WWOX: variants seen among roughly 807,000 people sequenced by gnomAD.
The protein encoded by WWOX is WW domain-containing oxidoreductase.
WWOX carries 69 observed loss-of-function variants against 46.2 expected under a neutral mutation model. That is an observed-to-expected ratio of 1.49 (90% CI 1.23 to 1.82). The LOEUF (loss-of-function observed/expected upper bound fraction) is 1.82. Among genes scored for constraint, WWOX ranks in the 40% most tolerant of loss-of-function variants. The pLI is 0.00. For synonymous variants in WWOX, 359 were observed against 202.6 expected (o/e 1.77, Z -6.56); for missense variants, 919 against 542.6 (o/e 1.69, Z -6.89).
intron 8 of WWOX, among the ~76,000 whole-genome samples, chr16:79,098,282 T>G (rs909976509): frequency 2.6e-5 from 4 of 152,156 alleles, no homozygotes; most frequent in Admixed American, 1.3e-4. Flanking sequence ...TTTTATTTAG[T>G]AGAGGAGGAA....
intron 8 of WWOX, among the ~76,000 whole-genome samples, chr16:79,075,887 T>C (rs1390591493): frequency 6.6e-6 from 1 of 152,232 alleles, no homozygotes; most frequent in Non-Finnish European, 1.5e-5. Flanking sequence ...AATTATGTTT[T>C]TTCCTGTTGC....
At chr16:78,529,991 G>A (rs953379055) in intron 8 of WWOX, among the ~76,000 whole-genome samples, 8 of 152,102 alleles carry the variant, frequency 5.3e-5, no homozygotes, top group Admixed American at 2.6e-4. Context: ...AGTGGAGTGC[G>A]GATGCTGGAA....
intron 8 of WWOX, among the ~76,000 whole-genome samples, chr16:78,756,371 C>T (rs768251415): frequency 3.9e-5 from 6 of 151,956 alleles, no homozygotes; most frequent in Non-Finnish European, 8.8e-5. Flanking sequence ...AGGGTGAAGG[C>T]GGTTGAGATA....
chr16:78,654,657 C>T (rs72794718), intron 8 of WWOX, among the ~76,000 whole-genome samples: 1 of 151,986 alleles, frequency 6.6e-6, no homozygotes, highest in Middle Eastern at 3.4e-3. Flanking sequence ...CTCTCTCTCT[C>T]TGTGTGTATG....
At chr16:78,197,941 C>T (rs924800301) in intron 5 of WWOX, among the ~76,000 whole-genome samples, 1 of 151,958 alleles carries the variant, frequency 6.6e-6, no homozygotes, top group African/African-American at 2.4e-5. Context: ...GGTAGTTTTT[C>T]TTTTATTTTT....
intron 8 of WWOX, among the ~76,000 whole-genome samples, chr16:78,521,547 G>C (rs772027915): frequency 1.3e-5 from 2 of 152,156 alleles, no homozygotes; most frequent in Non-Finnish European, 2.9e-5. Context: ...TCGTTAAATA[G>C]AGTTCTACTT....
chr16:78,319,835 C>A (rs2080429412), intron 5 of WWOX, among the ~76,000 whole-genome samples: 1 of 152,098 alleles, frequency 6.6e-6, no homozygotes, highest in African/African-American at 2.4e-5. Context: ...TGTGAGGAAG[C>A]AAAACTTTTA....
chr16:78,916,241 G>C (rs1445238172), intron 8 of WWOX, among the ~76,000 whole-genome samples: 1 of 152,182 alleles, frequency 6.6e-6, no homozygotes, highest in African/African-American at 2.4e-5. Flanking sequence ...AAGTTTGCCG[G>C]CCAGGAAGTT....
At chr16:78,863,367 T>G (rs1309628938) in intron 8 of WWOX, among the ~76,000 whole-genome samples, 2 of 152,234 alleles carry the variant, frequency 1.3e-5, no homozygotes, top group Non-Finnish European at 2.9e-5. Context: ...CCAAGTGTTC[T>G]TAACTATGGA....
chr16:78,719,253 C>G (rs1323753309), intron 8 of WWOX, among the ~76,000 whole-genome samples: 2 of 152,186 alleles, frequency 1.3e-5, no homozygotes, highest in Admixed American at 1.3e-4. Context: ...TACGAACTTC[C>G]ACACAAAACG....
chr16:78,757,736 T>G (rs9923984), intron 8 of WWOX, among the ~76,000 whole-genome samples: 2,135 of 151,908 alleles, frequency 0.014, 43 homozygotes, highest in African/African-American at 0.041. Flanking sequence ...TATAAGTAAA[T>G]AAATTTTCCT....
At chr16:78,935,322 C>G (rs1281996696) in intron 8 of WWOX, among the ~76,000 whole-genome samples, 1 of 152,066 alleles carries the variant, frequency 6.6e-6, no homozygotes, top group Non-Finnish European at 1.5e-5. Flanking sequence ...TATTGCGGCA[C>G]TATTCACAAT....
Position 79,211,473 on chromosome 16 carries a change from C to G in WWOX, c.1057-135C>G, listed in dbSNP as rs575180023. 6.5e-5 allele frequency: 72 copies of G among 1,102,590 alleles called. No individual in the cohort carries two copies. The African/African-American group carries it at 1.1e-3, about 16-fold the overall frequency. The allele number at this position is 1,102,590 out of a possible 1,614,324, so 68.3% of individuals were successfully genotyped here. On this transcript the variant is annotated intron_variant, in intron 8 of 8. Coordinates refer to ENST00000566780, the MANE Select transcript of WWOX (RefSeq NM_016373.4). Reference sequence around the variant, plus strand: ...ACAGTCATGTGCTTTCAGCCCAGTACCCTTTGCTATGCCAAGATCCAGCTG... The same window carrying G: ...ACAGTCATGTGCTTTCAGCCCAGTAGCCTTTGCTATGCCAAGATCCAGCTG...
At chr16:78,201,633 C>G (rs1308316633) in intron 5 of WWOX, among the ~76,000 whole-genome samples, 1 of 152,026 alleles carries the variant, frequency 6.6e-6, no homozygotes, top group Non-Finnish European at 1.5e-5. Context: ...CATCTTTACC[C>G]CTCTCCCAGA....
At chr16:79,199,225 G>T (rs573001355) in intron 8 of WWOX, among the ~76,000 whole-genome samples, 1 of 152,234 alleles carries the variant, frequency 6.6e-6, no homozygotes, top group East Asian at 1.9e-4. Flanking sequence ...ACCACGCCTG[G>T]CTAATTTTTG....
At chr16:78,796,614 C>T (rs748798155) in intron 8 of WWOX, among the ~76,000 whole-genome samples, 4 of 152,144 alleles carry the variant, frequency 2.6e-5, no homozygotes, top group Admixed American at 6.5e-5. Flanking sequence ...ACAAATGATA[C>T]GAGTTTTATT....
intron 8 of WWOX, among the ~76,000 whole-genome samples, chr16:78,849,376 C>T (rs374460538): frequency 1.3e-5 from 2 of 151,166 alleles, no homozygotes; most frequent in Admixed American, 6.6e-5. Context: ...TCGAGACTAT[C>T]CTGGCTAACA....
At chr16:78,976,702 C>T (rs954252549) in intron 8 of WWOX, among the ~76,000 whole-genome samples, 1 of 152,202 alleles carries the variant, frequency 6.6e-6, no homozygotes, top group African/African-American at 2.4e-5. Flanking sequence ...GCCTGAGACC[C>T]ACCAGGAGCT....
At chr16:78,913,938 G>T (rs1016552472) in intron 8 of WWOX, among the ~76,000 whole-genome samples, 3 of 152,028 alleles carry the variant, frequency 2.0e-5, no homozygotes, top group African/African-American at 7.2e-5. Flanking sequence ...TTGGATTATA[G>T]ACATGATCCA....
Sources: gnomAD v4.1 joint callset for allele counts (sites outside exome capture counted in the v4.1 genomes callset) on GRCh38, gnomAD v4.1.1 for gene constraint, MANE v1.5 for transcripts, NCBI Gene and HGNC (gene_info 2026-07-23, HGNC 2026-07-21) for gene names.